Variants in KIF26A observed in about 807,000 individuals in gnomAD.
KIF26A encodes the protein kinesin family member 26A, also known as kinesin-like protein KIF26A.
A neutral mutation model predicts 126.0 loss-of-function variants in KIF26A; 74 were observed. The observed-to-expected ratio is 0.59, with a 90% CI of 0.49 to 0.71. The LOEUF (loss-of-function observed/expected upper bound fraction) is 0.71. Among genes scored for constraint, KIF26A ranks in the 30% least tolerant of loss-of-function variants. The pLI, the probability that KIF26A is intolerant of heterozygous loss-of-function variation, is 0.00. For missense variants in KIF26A, 2,984 were observed against 2,763.3 expected, an observed-to-expected ratio of 1.08 and a Z score of -1.79; for synonymous variants, 1,445 against 1,232.7, an observed-to-expected ratio of 1.17 and a Z score of -3.61.
chr14:104,147,802 A>C (rs1001663662), intron 2 of KIF26A, among the ~76,000 whole-genome samples: 2 of 152,186 alleles, frequency 1.3e-5, no homozygotes, highest in African/African-American at 4.8e-5. Context: ...GTCATGGCCC[A>C]TGGGGTCCTT....
Position 104,177,617 on chromosome 14 carries a change from C to A in KIF26A, c.4829C>A (p.Pro1610His). 1 of 1,527,810 alleles carries A rather than the reference C, an allele frequency of 6.5e-7. No individual in the cohort carries two copies. The highest frequency in any genetic ancestry group is 1.2e-5 in the South Asian group (1 of 82,742). 94.6% of individuals were successfully genotyped at this position (1,527,810 alleles called of 1,614,324 possible). A position where few individuals can be genotyped will look rare whatever the true frequency, so the allele number is the denominator to read the frequency against. The change falls in exon 12 of 15, where the codon CCC becomes CAC. Residue 1610 changes from proline (P) to histidine (H), a missense_variant. Coordinates refer to ENST00000423312, the MANE Select transcript of KIF26A (RefSeq NM_015656.2). ...CGGCCACCCACGGGCCCGGCCCTGC[C>A]CTCCCCCTACAGCAAGGTGACCGCC... ...EERPPTGPALPSPYSKVTAPR... is the reference protein window; with the variant it reads ...EERPPTGPALHSPYSKVTAPR...
chr14:104,177,504 C>T lies in KIF26A; in HGVS notation c.4716C>T (p.Ala1572=), dbSNP rs1406144429. 6.5e-7 allele frequency: 1 copy of T among 1,534,612 alleles called. No individual in the cohort carries two copies. Among genetic ancestry groups the T allele is most frequent in the Non-Finnish European group, 8.7e-7 (1 of 1,145,948 alleles). ...ACAGCCGCGTCCATGAGCTGTCAGCCAGTGGAGCCCCGGGCCGAGGTGGCT... is the reference window on the plus strand; with the variant it reads ...ACAGCCGCGTCCATGAGCTGTCAGCTAGTGGAGCCCCGGGCCGAGGTGGCT... ...AAHSRVHELS[A]SGAPGRGGSS... is the part of the protein sequence containing the mutation. Residue 1572 remains alanine (A), a synonymous_variant, in exon 12 of 15, where the codon GCC becomes GCT. Transcript: ENST00000423312.
Position 104,152,555 on chromosome 14 carries a change from T to A in KIF26A, c.735+94T>A. The A allele has an allele frequency of 1.6e-6, 2 of 1,246,618 alleles. No homozygotes were observed. The highest frequency in any genetic ancestry group is 2.2e-6 in the Non-Finnish European group (2 of 922,952). 77.2% of individuals were successfully genotyped at this position (1,246,618 alleles called of 1,614,324 possible). A position where few individuals can be genotyped will look rare whatever the true frequency, so the allele number is the denominator to read the frequency against. On this transcript the variant is annotated intron_variant, in intron 3 of 14. Coordinates refer to ENST00000423312, the MANE Select transcript of KIF26A (RefSeq NM_015656.2). This position sits in a 1 kb window ranked among gnomAD's most constrained non-coding sequence, Gnocchi z 5.9. ...TCTGTCCACGTTGAGTGCCCTGCAG[T>A]AAGGCTTCCCTGAAGGGAGGGGACG... is the stretch of plus-strand genomic sequence containing the variant.
At position 104,165,880 on chromosome 14, in the gene KIF26A, A is replaced by G. The variant is rs371143477; in HGVS notation, c.924-979A>G. The stretch of plus-strand genomic sequence containing the variant: ...GTGTCTCTGTAGGGTGTGCGTGTCG[A>G]GGTCCCCTGGGAGTCCACCCCAGTG... On this transcript the variant is annotated intron_variant, in intron 4 of 14. Transcript: ENST00000423312. 6.2e-5 allele frequency among the ~76,000 whole-genome samples: 9 copies of G among 145,600 alleles called. No individual in the cohort carries two copies. In the South Asian group the frequency reaches 6.5e-4, roughly 11 times the overall value.
chr14:104,165,741 A>ATGTGTGTCTGTGTTTCTGTATGCATG (rs2037889797), intron 4 of KIF26A, among the ~76,000 whole-genome samples: 4 of 132,272 alleles, frequency 3.0e-5, no homozygotes, highest in South Asian at 2.4e-4. Context: ...CTGTATGCAT[A>ATGTGTGTCTGTGTTTCTGTATGCATG]TGTGTGTCTG....
intron 2 of KIF26A, among the ~76,000 whole-genome samples, chr14:104,140,021 G>A (rs1437908265): frequency 5.3e-5 from 8 of 152,172 alleles, no homozygotes; most frequent in Non-Finnish European, 1.5e-5. Flanking sequence ...CAAAGGCTGG[G>A]GGCGGGTGGG....
At chr14:104,139,996 C>T (rs994392216) in intron 2 of KIF26A, among the ~76,000 whole-genome samples, 1 of 152,164 alleles carries the variant, frequency 6.6e-6, no homozygotes, top group African/African-American at 2.4e-5. Context: ...AGGAACAATG[C>T]ATGCTGGAAG....
At position 104,177,498 on chromosome 14, in the gene KIF26A, G is replaced by A. The variant is rs1463870696; in HGVS notation, c.4710G>A (p.Leu1570=). The A allele has an allele frequency of 1.3e-6, 2 of 1,534,368 alleles. No individual in the cohort carries two copies. The highest frequency in any genetic ancestry group is 1.7e-6 in the Non-Finnish European group (2 of 1,145,892). The change falls in exon 12 of 15, where the codon CTG becomes CTA. Residue 1570 remains leucine (L), a synonymous_variant. Coordinates refer to ENST00000423312, the MANE Select transcript of KIF26A (RefSeq NM_015656.2). ...LRAAHSRVHE[L]SASGAPGRGG... ...CTGCTCACAGCCGCGTCCATGAGCT[G>A]TCAGCCAGTGGAGCCCCGGGCCGAG...
intron 13 of KIF26A, 79 bp from the exon 14 acceptor site, chr14:104,179,157 C>T (rs559344011): frequency 3.4e-5 from 47 of 1,362,778 alleles, no homozygotes; most frequent in Middle Eastern, 2.7e-4. Context: ...TGAAGGGAGG[C>T]GGGGGCCACA....
chr14:104,171,638 C>A, intron 5 of KIF26A, 85 bp from the exon 6 acceptor site: 2 of 1,206,556 alleles, frequency 1.7e-6, no homozygotes, highest in East Asian at 2.6e-5. Context: ...CCGCTGTCCC[C>A]ACCTGAGCTG....
rs1291019407 is a variant in KIF26A at position 104,176,858 on chromosome 14, G to A, written c.4070G>A (p.Ser1357Asn). 2.6e-6 allele frequency: 4 copies of A among 1,544,330 alleles called. No homozygotes were observed. In the African/African-American group the frequency reaches 5.5e-5, roughly 21 times the overall value. The part of the protein sequence containing the change: ...APKAGFLPRP[S>N]GAAPPAPPTR... ...AAGGCGGGCTTCCTCCCGAGGCCCA[G>A]TGGGGCGGCCCCCCCGGCCCCACCC... The change falls in exon 12 of 15, where the codon AGT becomes AAT. Residue 1357 changes from serine to asparagine, a missense_variant. Transcript: ENST00000423312.
intron 4 of KIF26A, among the ~76,000 whole-genome samples, chr14:104,164,828 T>A (rs750993650): frequency 4.6e-5 from 7 of 151,830 alleles, no homozygotes; most frequent in Non-Finnish European, 7.4e-5. Flanking sequence ...TGTCTCTGTG[T>A]GAGTGTCTGA....
intron 4 of KIF26A, among the ~76,000 whole-genome samples, chr14:104,166,239 G>A (rs2037900279): frequency 1.3e-5 from 2 of 152,150 alleles, no homozygotes; most frequent in Admixed American, 6.5e-5. Context: ...TGATCGGCAA[G>A]GGGCAAGGCA....
intron 1 of KIF26A, 66 bp from the exon 2 acceptor site, chr14:104,138,977 G>C (rs2141085024): frequency 7.6e-7 from 1 of 1,311,818 alleles, no homozygotes; most frequent in East Asian, 3.1e-5. Flanking sequence ...GGGGCAGGGC[G>C]CGCAGGGGTC....
chr14:104,160,240 C>T (rs574334990), intron 4 of KIF26A, among the ~76,000 whole-genome samples: 5 of 152,176 alleles, frequency 3.3e-5, no homozygotes, highest in East Asian at 3.9e-4. Context: ...CAAGTGGAGA[C>T]GGAATGGGGT....
intron 3 of KIF26A, among the ~76,000 whole-genome samples, chr14:104,156,049 G>T (rs1406008478): frequency 6.6e-6 from 1 of 152,232 alleles, no homozygotes; most frequent in Non-Finnish European, 1.5e-5. Context: ...AGCCACCTGT[G>T]GGTGCCACGC....
chr14:104,178,004 A>T, intron 12 of KIF26A, 106 bp downstream of exon 12: 1 of 1,255,156 alleles, frequency 8.0e-7, no homozygotes, highest in Non-Finnish European at 1.0e-6. Context: ...ACAGATGGGC[A>T]CAGCCTTCAA....
Position 104,173,727 on chromosome 14 carries a change from T to C in KIF26A, c.1889T>C (p.Leu630Pro). 1 of 1,611,356 alleles carries C rather than the reference T, an allele frequency of 6.2e-7. No individual in the cohort carries two copies. Among genetic ancestry groups the C allele is most frequent in the Non-Finnish European group, 8.5e-7 (1 of 1,179,540 alleles). ...RGGMSGGRSR[L>P]HLIDLGSCEA... is the part of the protein sequence containing the mutation. ...CCAGTGTCCGGAGGCCGCAGCCGCC[T>C]GCACCTCATCGACCTGGGCAGCTGT... The change falls in exon 10 of 15, where the codon CTG (leucine) becomes CCG (proline). Residue 630 changes from leucine to proline, a missense_variant. Leu to Pro is a moderately conservative substitution (Grantham distance 98, BLOSUM62 -3). Coordinates refer to ENST00000423312, the MANE Select transcript of KIF26A (RefSeq NM_015656.2).
In KIF26A at chr14:104,142,553, G is replaced by A. The variant is rs896969704; in HGVS notation, c.288+3265G>A. Among the ~76,000 whole-genome samples, 5 of 152,274 alleles carry A rather than the reference G, an allele frequency of 3.3e-5. No homozygotes were observed. The East Asian group carries it at 9.7e-4, about 29-fold the overall frequency. ...CTCCCTGGGCTGGAGGCCCCTCAGT[G>A]TCCCTGCTCTGGCCTCAGGGGCCCC... On this transcript the variant is annotated intron_variant, in intron 2 of 14. Coordinates refer to ENST00000423312, the MANE Select transcript of KIF26A (RefSeq NM_015656.2).
Sources: gnomAD v4.1 joint callset for allele counts (sites outside exome capture counted in the v4.1 genomes callset) on GRCh38, gnomAD v4.1.1 for gene constraint, Gnocchi (gnomAD v3.1) non-coding constraint, MANE v1.5 for transcripts, NCBI Gene and HGNC (gene_info 2026-07-23, HGNC 2026-07-21) for gene names.